TTLL11: variants seen among roughly 807,000 people sequenced by gnomAD.
TTLL11 encodes the protein tubulin polyglutamylase TTLL11.
A neutral mutation model predicts 51.7 loss-of-function variants in TTLL11; 42 were observed. The ratio of observed to expected loss-of-function variants is 0.81; its 90% CI spans 0.64 to 1.05. TTLL11 has a LOEUF of 1.05. Among genes scored for constraint, TTLL11 ranks in the 50% least tolerant of loss-of-function variants. TTLL11 has a pLI of 0.00. For synonymous variants in TTLL11, 381 were observed against 383.5 expected, an observed-to-expected ratio of 0.99 and a Z score of 0.08; for missense variants, 799 against 940.4, an observed-to-expected ratio of 0.85 and a Z score of 1.97.
At chr9:121,979,000 C>T (rs1045782009) in intron 4 of TTLL11, among the ~76,000 whole-genome samples, 2 of 150,794 alleles carry the variant, frequency 1.3e-5, no homozygotes, top group African/African-American at 4.8e-5. Flanking sequence ...TGTGACCTCA[C>T]CTAGTAACTT....
chr9:122,019,135 A>G (rs1175645417), intron 3 of TTLL11, among the ~76,000 whole-genome samples: 2 of 152,116 alleles, frequency 1.3e-5, no homozygotes, highest in African/African-American at 4.8e-5. Context: ...CCAACTTCCA[A>G]ATATTACTCA....
At chr9:121,943,337 C>T (rs1290762904) in intron 6 of TTLL11, among the ~76,000 whole-genome samples, 4 of 152,150 alleles carry the variant, frequency 2.6e-5, no homozygotes, top group Admixed American at 6.5e-5. Context: ...CTTAGGCGTA[C>T]GGACCGTAAC....
At chr9:121,828,327 T>C (rs1177402180) in intron 8 of TTLL11, among the ~76,000 whole-genome samples, 4 of 151,822 alleles carry the variant, frequency 2.6e-5, no homozygotes, top group African/African-American at 9.7e-5. Flanking sequence ...CATGCACCAC[T>C]ATACCTGGCT....
At chr9:121,972,857 T>G (rs1020724505) in intron 6 of TTLL11, among the ~76,000 whole-genome samples, 3 of 152,238 alleles carry the variant, frequency 2.0e-5, no homozygotes, top group Non-Finnish European at 4.4e-5. Flanking sequence ...AGGGTGATAT[T>G]TGGGCTTGAG....
intron 6 of TTLL11, among the ~76,000 whole-genome samples, chr9:121,927,418 G>C (rs1163911472): frequency 2.0e-5 from 3 of 152,274 alleles, no homozygotes; most frequent in Non-Finnish European, 4.4e-5. Context: ...AACAAAATCA[G>C]CACCATGATC....
chr9:122,091,118 T>C (rs1846249866), intron 1 of TTLL11, among the ~76,000 whole-genome samples: 1 of 152,202 alleles, frequency 6.6e-6, no homozygotes, highest in Non-Finnish European at 1.5e-5. Context: ...TATTAGTCCA[T>C]CTGGCCCCAT....
chr9:121,888,923 G>A (rs984535301), intron 6 of TTLL11, among the ~76,000 whole-genome samples: 11 of 152,230 alleles, frequency 7.2e-5, no homozygotes, highest in East Asian at 5.8e-4. Flanking sequence ...CCCAGATAGC[G>A]CTTGATAATA....
chr9:122,052,815 G>A (rs1226736013), intron 1 of TTLL11, among the ~76,000 whole-genome samples: 2 of 152,146 alleles, frequency 1.3e-5, no homozygotes, highest in Non-Finnish European at 2.9e-5. Flanking sequence ...CTCGAGTTCA[G>A]GAACTTGGAT....
chr9:122,029,709 T>TA (rs1252253980), intron 3 of TTLL11, among the ~76,000 whole-genome samples: 1 of 152,158 alleles, frequency 6.6e-6, no homozygotes, highest in Non-Finnish European at 1.5e-5. Context: ...GAAAATTTTT[T>TA]AAAAATAGAT....
Position 121,870,625 on chromosome 9 carries a change from C to T in TTLL11, c.1605G>A (p.Val535=). 1 of 1,551,778 alleles carries T rather than the reference C, an allele frequency of 6.4e-7. No individual in the cohort carries two copies. Among genetic ancestry groups the T allele is most frequent in the Non-Finnish European group, 8.7e-7 (1 of 1,147,008 alleles). The change falls in exon 7 of 9, where the codon GTG becomes GTA. Residue 535 remains valine (V), a synonymous_variant. Coordinates refer to ENST00000321582, the MANE Select transcript of TTLL11 (RefSeq NM_001139442.2). The part of the protein sequence containing the change: ...AHLPSICLKQ[V]FPKYAKQFNY... ...TGAACTGTTTTGCGTACTTGGGGAACACCTGCTTGAGGCAAATGGAAGGCA... is the reference window on the plus strand; with the variant it reads ...TGAACTGTTTTGCGTACTTGGGGAATACCTGCTTGAGGCAAATGGAAGGCA...
rs533885031 is a variant in TTLL11, at chr9:121,909,754, C to T, written c.1482-39006G>A. Among the ~76,000 whole-genome samples, 39 of 152,234 alleles carry T rather than the reference C, an allele frequency of 2.6e-4. No individual in the cohort carries two copies. The South Asian group carries it at 6.4e-3, about 25-fold the overall frequency. ...TGCAAGGCAAGCTTAAAGTGAGGGC[C>T]GGGCACTCAGCTCCCGCAGAGCATT... is the stretch of plus-strand genomic sequence containing the variant. On this transcript the variant is annotated intron_variant, in intron 6 of 8. Coordinates refer to ENST00000321582, the MANE Select transcript of TTLL11 (RefSeq NM_001139442.2).
At chr9:122,026,927 A>G (rs11496591) in intron 3 of TTLL11, among the ~76,000 whole-genome samples, 6,566 of 149,512 alleles carry the variant, frequency 0.044, 182 homozygotes, top group African/African-American at 0.074. Flanking sequence ...AAAAAAAAAA[A>G]AAAACTAGCC....
chr9:122,002,742 C>T (rs1211592682), intron 3 of TTLL11, among the ~76,000 whole-genome samples: 3 of 151,822 alleles, frequency 2.0e-5, no homozygotes, highest in African/African-American at 7.3e-5. Flanking sequence ...GTCAAGAGAT[C>T]GAGACCATCC....
intron 1 of TTLL11, among the ~76,000 whole-genome samples, chr9:122,081,442 T>A (rs1026651157): frequency 6.6e-6 from 1 of 152,230 alleles, no homozygotes. Flanking sequence ...AACTAATATG[T>A]GGTGGGGATT....
At chr9:121,955,159 A>ATT (rs1230892506) in intron 6 of TTLL11, among the ~76,000 whole-genome samples, 1 of 152,252 alleles carries the variant, frequency 6.6e-6, no homozygotes, top group African/African-American at 2.4e-5. Context: ...AATCTTAATT[A>ATT]AACTATTTAA....
chr9:122,001,501 G>C (rs949268603), intron 3 of TTLL11, among the ~76,000 whole-genome samples: 2 of 151,366 alleles, frequency 1.3e-5, no homozygotes, highest in African/African-American at 4.9e-5. Flanking sequence ...CAAGAGGCAG[G>C]GGGTGGGAAT....
At position 122,029,388 on chromosome 9, in the gene TTLL11, A is replaced by C. The variant is rs559192796; in HGVS notation, c.693+2335T>G. 1.1e-4 allele frequency among the ~76,000 whole-genome samples: 17 copies of C among 152,312 alleles called. No homozygotes were observed. The South Asian group carries it at 3.1e-3, about 28-fold the overall frequency. ...GCCCTACGCATGTTACTGCTCCTTG[A>C]AGACCTTCCAGTGGGATAAGAAGTG... On this transcript the variant is annotated intron_variant, in intron 3 of 8. Transcript: ENST00000321582.
At chr9:122,058,294 T>C (rs1845347425) in intron 1 of TTLL11, among the ~76,000 whole-genome samples, 1 of 152,202 alleles carries the variant, frequency 6.6e-6, no homozygotes, top group Admixed American at 6.5e-5. Flanking sequence ...TAGCTCCATG[T>C]GGAGGGAGGA....
At chr9:121,849,744 C>G (rs545371178) in intron 8 of TTLL11, among the ~76,000 whole-genome samples, 3 of 152,264 alleles carry the variant, frequency 2.0e-5, no homozygotes, top group African/African-American at 7.2e-5. Context: ...ACTGAGTACA[C>G]TAAGTGTTGA....
Sources: gnomAD v4.1 joint callset for allele counts (sites outside exome capture counted in the v4.1 genomes callset) on GRCh38, gnomAD v4.1.1 for gene constraint, MANE v1.5 for transcripts, NCBI Gene and HGNC (gene_info 2026-07-23, HGNC 2026-07-21) for gene names.